Variants in PCDHGA1 observed in about 807,000 individuals in gnomAD.
PCDHGA1 encodes protocadherin gamma subfamily A, 1.
Under a neutral mutation model 58.0 loss-of-function variants are expected in PCDHGA1, and 32 were observed. The ratio of observed to expected loss-of-function variants is 0.55; its 90% CI spans 0.42 to 0.74. The LOEUF (loss-of-function observed/expected upper bound fraction) is 0.74, where lower values mean the gene tolerates loss of function less well. Among genes scored for constraint, PCDHGA1 ranks in the 30% least tolerant of loss-of-function variants. The pLI is 0.00. For synonymous variants in PCDHGA1, 498 were observed against 501.1 expected (o/e 0.99, Z 0.08); for missense variants, 1,205 against 1,182.3 (o/e 1.02, Z -0.28).
chr5:141,427,683 G>T, intron 1 of PCDHGA1: 1 of 836,052 alleles, frequency 1.2e-6, no homozygotes, highest in African/African-American at 1.7e-5. Context: ...CCTTCCCGGA[G>T]CCTCCATCCC....
At chr5:141,430,652 A>G in intron 1 of PCDHGA1, 1 of 1,069,464 alleles carries the variant, frequency 9.4e-7, no homozygotes. Context: ...ATGTGGAAAC[A>G]ACGGAGGAGC....
chr5:141,427,658 C>A, intron 1 of PCDHGA1: 2 of 738,894 alleles, frequency 2.7e-6, no homozygotes, highest in Non-Finnish European at 4.8e-6. Context: ...ACGTGGTCCA[C>A]GTGGCCGAAA....
intron 1 of PCDHGA1, among the ~76,000 whole-genome samples, chr5:141,381,033 C>G (rs191532708): frequency 2.0e-4 from 30 of 152,324 alleles, no homozygotes; most frequent in African/African-American, 7.2e-4. Flanking sequence ...TTCCTTTAAA[C>G]AAAATTTATC....
intron 1 of PCDHGA1, chr5:141,365,430 C>G: frequency 6.2e-7 from 1 of 1,613,960 alleles, no homozygotes; most frequent in Middle Eastern, 1.6e-4. Context: ...ACTGTAATCG[C>G]GCTGTTTAGC....
At position 141,422,330 on chromosome 5, in the gene PCDHGA1, C is replaced by T. The variant is rs200342957; in HGVS notation, c.2422-72477C>T. 1,454 of 1,548,164 alleles carry T rather than the reference C, an allele frequency of 9.4e-4. 3 individuals carry two copies. The highest frequency in any genetic ancestry group is 7.9e-4 in the Non-Finnish European group (910 of 1,153,526). On this transcript the variant is annotated intron_variant, in intron 1 of 3. Transcript: ENST00000517417. The stretch of plus-strand genomic sequence containing the variant: ...AACTCTCCTCCAGGTACAGTGATTG[C>T]TCTTCTAAATGTGCAAGATCAAGAT...
chr5:141,355,938 G>A (rs556759092), intron 1 of PCDHGA1: 1 of 1,613,878 alleles, frequency 6.2e-7, no homozygotes, highest in Admixed American at 1.7e-5. Flanking sequence ...CTCAGCCCGA[G>A]TACCACGTAA....
chr5:141,433,122 G>C (rs1442464320), intron 1 of PCDHGA1: 1 of 1,614,134 alleles, frequency 6.2e-7, no homozygotes, highest in Admixed American at 1.7e-5. Flanking sequence ...TTTGAAAAAA[G>C]CGAGCCCCTT....
At chr5:141,360,039 CAG>C in intron 1 of PCDHGA1, 1 of 1,415,286 alleles carries the variant, frequency 7.1e-7, no homozygotes, top group Non-Finnish European at 9.3e-7. Context: ...GATTCGGAAA[CAG>C]AAAACAAAAG....
chr5:141,383,749 A>C (rs771648323), intron 1 of PCDHGA1: 12 of 1,614,008 alleles, frequency 7.4e-6, no homozygotes, highest in Non-Finnish European at 1.0e-5. Context: ...TTTTCGGAAA[A>C]TAACTCCTAA....
intron 1 of PCDHGA1, chr5:141,346,620 C>T (rs1000182319): frequency 9.5e-7 from 1 of 1,055,734 alleles, no homozygotes; most frequent in Non-Finnish European, 1.4e-6. Flanking sequence ...TAGGACTGCA[C>T]TCCCCGGTCT....
chr5:141,345,145 T>A (rs772716548), intron 1 of PCDHGA1: 1 of 1,614,002 alleles, frequency 6.2e-7, no homozygotes, highest in Non-Finnish European at 8.5e-7. Flanking sequence ...CTTATCGACG[T>A]GCATGACCGA....
At chr5:141,459,568 CAG>C (rs930633590) in intron 1 of PCDHGA1, among the ~76,000 whole-genome samples, 1 of 152,152 alleles carries the variant, frequency 6.6e-6, no homozygotes, top group Non-Finnish European at 1.5e-5. Context: ...TACCCCAAAA[CAG>C]AATTGTTTTG....
chr5:141,477,582 A>G lies in PCDHGA1; in HGVS notation c.2422-17225A>G. On this transcript the variant is annotated intron_variant, in intron 1 of 3. Transcript: ENST00000517417. This position sits in a 1 kb window ranked among gnomAD's most constrained non-coding sequence, Gnocchi z 4.9. Reference sequence around the variant, plus strand: ...GTCTGGGACCCCGACGCCCCGCAGAATGCTCGGCTTTCTTTCTTTCTCTTG... The same window carrying G: ...GTCTGGGACCCCGACGCCCCGCAGAGTGCTCGGCTTTCTTTCTTTCTCTTG... The G allele has an allele frequency of 6.2e-7, 1 of 1,614,190 alleles. No homozygotes were observed.
intron 1 of PCDHGA1, among the ~76,000 whole-genome samples, chr5:141,335,050 T>C (rs1450357823): frequency 1.3e-5 from 2 of 152,250 alleles, no homozygotes; most frequent in Non-Finnish European, 2.9e-5. Flanking sequence ...TAAGGTAATC[T>C]CTGTTTTCTC....
At chr5:141,420,699 C>T (rs2096518531) in intron 1 of PCDHGA1, among the ~76,000 whole-genome samples, 1 of 152,236 alleles carries the variant, frequency 6.6e-6, no homozygotes, top group African/African-American at 2.4e-5. Context: ...ATTATTTCCA[C>T]TTCCAGAAAT....
chr5:141,372,129 C>G (rs62620756), intron 1 of PCDHGA1: 1 of 1,613,624 alleles, frequency 6.2e-7, no homozygotes, highest in Non-Finnish European at 8.5e-7. Context: ...CGATATGGTG[C>G]CGCGCTCTGC....
chr5:141,361,556 T>A, intron 1 of PCDHGA1: 1 of 1,614,058 alleles, frequency 6.2e-7, no homozygotes, highest in Non-Finnish European at 8.5e-7. Flanking sequence ...ATCGCTCAAA[T>A]CAGTGCCTCT....
rs2099623095 is a variant in PCDHGA1 at position 141,486,025 on chromosome 5, T to C, written c.2422-8782T>C. 1 of 1,613,958 alleles carries C rather than the reference T, an allele frequency of 6.2e-7. No individual in the cohort carries two copies. The highest frequency in any genetic ancestry group is 8.5e-7 in the Non-Finnish European group (1 of 1,179,932). The stretch of plus-strand genomic sequence containing the variant: ...ACGTCACCTTTTATTTCAGTGGTCA[T>C]ACCCCTGATCGTGTAAGAAACCTCT... On this transcript the variant is annotated intron_variant, in intron 1 of 3. Transcript: ENST00000517417. The surrounding 1 kb of genome is among the most constrained non-coding windows in gnomAD (Gnocchi z 5.0).
At chr5:141,351,273 A>G (rs550144206) in intron 1 of PCDHGA1, 1 of 1,613,940 alleles carries the variant, frequency 6.2e-7, no homozygotes, top group Non-Finnish European at 8.5e-7. Flanking sequence ...GACGAGAATG[A>G]CAATGCCCCA....
Sources: allele counts gnomAD v4.1 joint callset (sites outside exome capture counted in the v4.1 genomes callset), GRCh38; gene constraint gnomAD v4.1.1; non-coding constraint Gnocchi (gnomAD v3.1); transcripts MANE v1.5; gene names NCBI Gene and HGNC (gene_info 2026-07-23, HGNC 2026-07-21).